SLC12A6: variants seen among roughly 807,000 people sequenced by gnomAD.
The protein encoded by SLC12A6 is K-Cl cotransporter 3.
SLC12A6 carries 66 observed loss-of-function variants against 135.3 expected under a neutral mutation model. That is an observed-to-expected ratio of 0.49 (90% CI 0.40 to 0.60). SLC12A6 has a LOEUF of 0.60. Ranked by LOEUF, SLC12A6 falls within the 20% of genes least tolerant of loss-of-function variation. The pLI is 0.00. For synonymous variants in SLC12A6, 513 were observed against 508.8 expected (o/e 1.01, Z -0.11); for missense variants, 1,058 against 1,452.3 (o/e 0.73, Z 4.41).
chr15:34,247,474 G>A (rs1359384543), intron 13 of SLC12A6, among the ~76,000 whole-genome samples: 2 of 151,620 alleles, frequency 1.3e-5, no homozygotes, highest in Admixed American at 6.6e-5. Context: ...CCGAGACTGC[G>A]CCACTGCACT....
intron 2 of SLC12A6, among the ~76,000 whole-genome samples, chr15:34,325,143 G>C (rs11638692): frequency 0.11 from 16,085 of 152,134 alleles, 1,076 homozygotes; most frequent in South Asian, 0.19. Flanking sequence ...CATCTTACAG[G>C]AGAATGAGCT....
chr15:34,270,846 G>A (rs1046293318), intron 3 of SLC12A6, among the ~76,000 whole-genome samples: 1 of 147,894 alleles, frequency 6.8e-6, no homozygotes, highest in African/African-American at 2.6e-5. Context: ...AAAAAAAAAA[G>A]AGAGAGAGAA....
intron 2 of SLC12A6, among the ~76,000 whole-genome samples, chr15:34,322,704 G>A (rs776868007): frequency 3.7e-4 from 57 of 152,074 alleles, no homozygotes; most frequent in Non-Finnish European, 3.7e-4. Context: ...TAGGCTGGGC[G>A]TGGTGGCTTA....
intron 4 of SLC12A6, among the ~76,000 whole-genome samples, chr15:34,260,235 G>A (rs1036576723): frequency 3.9e-5 from 6 of 152,066 alleles, no homozygotes; most frequent in Non-Finnish European, 5.9e-5. Context: ...AGGACATGAA[G>A]GTCCTGCTAA....
chr15:34,309,340 T>C (rs1246189383), intron 2 of SLC12A6, among the ~76,000 whole-genome samples: 1 of 149,740 alleles, frequency 6.7e-6, no homozygotes, highest in Non-Finnish European at 1.5e-5. Flanking sequence ...ACACTTAATA[T>C]ATTTTTATAT....
intron 15 of SLC12A6, 72 bp downstream of exon 15, chr15:34,245,213 T>A (rs1231085561): frequency 3.5e-6 from 3 of 868,182 alleles, no homozygotes; most frequent in Admixed American, 3.4e-5. Context: ...TACTGTTATA[T>A]GACTGATGGA....
intron 3 of SLC12A6, among the ~76,000 whole-genome samples, chr15:34,273,141 A>G (rs3794518): frequency 0.082 from 12,550 of 152,262 alleles, 688 homozygotes; most frequent in South Asian, 0.15. Flanking sequence ...ACCTGAGGTC[A>G]GTAGTTCGAG....
chr15:34,249,504 C>T (rs150334566), intron 13 of SLC12A6, among the ~76,000 whole-genome samples: 3 of 152,102 alleles, frequency 2.0e-5, no homozygotes, highest in Non-Finnish European at 4.4e-5. Flanking sequence ...GAGGTTGAGG[C>T]TGTAGGGAGC....
chr15:34,311,505 G>A (rs1888254912), intron 2 of SLC12A6, among the ~76,000 whole-genome samples: 1 of 152,104 alleles, frequency 6.6e-6, no homozygotes, highest in Admixed American at 6.5e-5. Flanking sequence ...CTGTGGCTCA[G>A]GCACATTAAG....
chr15:34,287,335 T>C (rs1440637775), intron 2 of SLC12A6, among the ~76,000 whole-genome samples: 1 of 152,230 alleles, frequency 6.6e-6, no homozygotes, highest in East Asian at 1.9e-4. Context: ...GGCTGCATAG[T>C]ATTCCATGGT....
chr15:34,319,281 A>C (rs1888887232), intron 2 of SLC12A6, among the ~76,000 whole-genome samples: 1 of 151,476 alleles, frequency 6.6e-6, no homozygotes, highest in South Asian at 2.1e-4. Flanking sequence ...GACTACAGAC[A>C]TGTGCCACCA....
intron 3 of SLC12A6, 39 bp downstream of exon 3, chr15:34,275,306 T>C (rs1211631999): frequency 9.5e-7 from 1 of 1,051,738 alleles, no homozygotes; most frequent in Non-Finnish European, 1.5e-6. Context: ...GAGTTAAGGG[T>C]GACTTTGGAT....
chr15:34,325,746 G>A (rs1465872914), intron 2 of SLC12A6, among the ~76,000 whole-genome samples: 1 of 152,144 alleles, frequency 6.6e-6, no homozygotes, highest in Admixed American at 6.5e-5. Flanking sequence ...AACTGAGGCT[G>A]AAAGGATCAT....
chr15:34,255,974 A>AT (rs1892730041), intron 7 of SLC12A6, among the ~76,000 whole-genome samples: 1 of 152,082 alleles, frequency 6.6e-6, no homozygotes, highest in South Asian at 2.1e-4. Flanking sequence ...TCTATAAAAA[A>AT]ATATATATTC....
At chr15:34,318,857 G>A (rs1296900974) in intron 2 of SLC12A6, 54 of 1,456,240 alleles carry the variant, frequency 3.7e-5, no homozygotes, top group Non-Finnish European at 4.7e-5. Flanking sequence ...GGAGTGGGGC[G>A]CTTGAAGACA....
chr15:34,266,043 T>C (rs1595462533), intron 3 of SLC12A6, among the ~76,000 whole-genome samples: 1 of 120,448 alleles, frequency 8.3e-6, no homozygotes, highest in Non-Finnish European at 1.7e-5. Flanking sequence ...GAAGAGATTA[T>C]AAAGAAGCAG....
At position 34,231,398 on chromosome 15, in the gene SLC12A6, C is replaced by T. The variant is rs1452949203; in HGVS notation, c.*2483G>A. 6.6e-6 allele frequency: 1 copy of T among 150,626 alleles called. No homozygotes were observed. Among genetic ancestry groups the T allele is most frequent in the Non-Finnish European group, 1.5e-5 (1 of 67,804 alleles). The allele number at this position is 150,626 out of a possible 1,614,324, so 9.3% of individuals were successfully genotyped here. On this transcript the variant is annotated 3_prime_UTR_variant, in exon 26 of 26. Transcript: ENST00000354181. ...AAAAAAGATACTGGATCCTGCAGGA[C>T]ATGACTCACTACTGTTAAACTCAAC...
In SLC12A6 at chr15:34,236,818, G is replaced by GC. The variant is rs771183227; in HGVS notation, c.2935-4dup. On this transcript the variant is annotated splice_polypyrimidine_tract_variant and splice_region_variant and intron_variant, in intron 22 of 25. Transcript: ENST00000354181. ...TATGCTGATATATCACTGTCATGCTGCCATAGACATCACATAAAAGGGGCA... is the reference window on the plus strand; with the variant it reads ...TATGCTGATATATCACTGTCATGCTGCCCATAGACATCACATAAAAGGGGCA... 3 of 1,563,540 alleles carry GC rather than the reference G, an allele frequency of 1.9e-6. No individual in the cohort carries two copies. The Admixed American group carries it at 5.0e-5, about 26-fold the overall frequency.
Position 34,280,501 on chromosome 15 carries a change from GTCA to G in SLC12A6, c.272-5115_272-5113del, listed in dbSNP as rs751410635. Reference sequence around the variant, plus strand: ...TCCCAGTTTTTAAAAAAACCAAAGCGTCATCATCATCAAAAGAAACGATTCCAA... The same window carrying G: ...TCCCAGTTTTTAAAAAAACCAAAGCGTCATCATCAAAAGAAACGATTCCAA... On this transcript the variant is annotated intron_variant, in intron 2 of 25. Transcript: ENST00000354181. Among the ~76,000 whole-genome samples, 108 of 152,098 alleles carry G rather than the reference GTCA, an allele frequency of 7.1e-4. 1 individual carries two copies. Among genetic ancestry groups the G allele is most frequent in the Middle Eastern group, 6.8e-3 (2 of 294 alleles).
Sources: gnomAD v4.1 joint callset for allele counts (sites outside exome capture counted in the v4.1 genomes callset) on GRCh38, gnomAD v4.1.1 for gene constraint, MANE v1.5 for transcripts, NCBI Gene and HGNC (gene_info 2026-07-23, HGNC 2026-07-21) for gene names.